Variants in BLTP1 observed in about 807,000 individuals in gnomAD.
The protein encoded by BLTP1 is bridge-like lipid transfer protein family member 1, also known as fragile site-associated protein.
At chr4:122,293,841 T>C in the BLTP1 span, among the ~76,000 whole-genome samples, 2 of 152,200 alleles carry the variant, frequency 1.3e-5, no homozygotes, top group African/African-American at 4.8e-5. Flanking sequence ...CTGGGAGAGC[T>C]GCCATCTCTG....
the BLTP1 span, among the ~76,000 whole-genome samples, chr4:122,279,534 A>T: frequency 3.9e-5 from 6 of 152,180 alleles, no homozygotes; most frequent in Non-Finnish European, 1.5e-5. Flanking sequence ...TCAAACTGAT[A>T]TCTTATCCTT....
the BLTP1 span, chr4:122,249,767 A>G: frequency 4.6e-6 from 7 of 1,537,062 alleles, no homozygotes; most frequent in Non-Finnish European, 6.2e-6. Flanking sequence ...CATGGCTTTC[A>G]GTAACCTGAA....
the BLTP1 span, chr4:122,221,145 G>A: frequency 4.5e-6 from 3 of 659,944 alleles, no homozygotes; most frequent in Non-Finnish European, 3.8e-6. Context: ...TTATAAATGG[G>A]AAGGTGAATC....
At chr4:122,200,461 T>A in the BLTP1 span, 1 of 600,016 alleles carries the variant, frequency 1.7e-6, no homozygotes, top group African/African-American at 2.0e-5. Context: ...ATGCCTGTAA[T>A]CCCAGCTACT....
At chr4:122,177,088 G>A in the BLTP1 span, among the ~76,000 whole-genome samples, 311 of 152,266 alleles carry the variant, frequency 2.0e-3, no homozygotes, top group Non-Finnish European at 3.5e-3. Context: ...CCTACTCAGC[G>A]TCTCCAATTT....
chr4:122,296,268 C>A, the BLTP1 span, among the ~76,000 whole-genome samples: 1 of 152,086 alleles, frequency 6.6e-6, no homozygotes, highest in Non-Finnish European at 1.5e-5. Flanking sequence ...TCCTATACAC[C>A]AATAACAGGC....
the BLTP1 span, chr4:122,207,119 A>G: frequency 6.3e-7 from 1 of 1,597,506 alleles, no homozygotes; most frequent in Non-Finnish European, 8.5e-7. Flanking sequence ...GATTTAATTC[A>G]AGACTGGTCT....
At chr4:122,183,292 C>T in the BLTP1 span, 3 of 682,994 alleles carry the variant, frequency 4.4e-6, no homozygotes, top group East Asian at 2.7e-4. Flanking sequence ...GCCATGGTTG[C>T]ACCACTGCAT....
At chr4:122,217,788 A>G in the BLTP1 span, among the ~76,000 whole-genome samples, 1 of 152,092 alleles carries the variant, frequency 6.6e-6, no homozygotes, top group African/African-American at 2.4e-5. Flanking sequence ...TAGGATTGGT[A>G]CCATTTCTTT....
the BLTP1 span, among the ~76,000 whole-genome samples, chr4:122,176,987 A>C: frequency 6.6e-6 from 1 of 152,206 alleles, no homozygotes; most frequent in African/African-American, 2.4e-5. Context: ...AGTTTTAAAC[A>C]CATTAAACTC....
At chr4:122,169,913 G>A in the BLTP1 span, 3 of 983,254 alleles carry the variant, frequency 3.1e-6, no homozygotes, top group Non-Finnish European at 3.6e-6. Context: ...GATTTATCTA[G>A]CTTAATATGA....
At chr4:122,188,167 C>CT in the BLTP1 span, 2 of 1,274,390 alleles carry the variant, frequency 1.6e-6, no homozygotes, top group Non-Finnish European at 2.0e-6. Context: ...CATCCTTTTA[C>CT]TTTTTTTGCT....
At chr4:122,350,500 C>G in the BLTP1 span, 1 of 542,434 alleles carries the variant, frequency 1.8e-6, no homozygotes, top group Non-Finnish European at 2.4e-6. Context: ...CACAGGAGAT[C>G]TAGTGGTGGA....
the BLTP1 span, among the ~76,000 whole-genome samples, chr4:122,191,797 C>T: frequency 6.6e-6 from 1 of 152,050 alleles, no homozygotes; most frequent in Non-Finnish European, 1.5e-5. Flanking sequence ...CCTTCAGTAA[C>T]AGATTGAATG....
the BLTP1 span, among the ~76,000 whole-genome samples, chr4:122,183,923 A>AT: frequency 5.1e-4 from 77 of 149,844 alleles, no homozygotes; most frequent in Middle Eastern, 0.014. Flanking sequence ...AAAGAGGTAC[A>AT]TTTTTTTTTT....
chr4:122,328,386 G>A, the BLTP1 span: 2 of 1,573,308 alleles, frequency 1.3e-6, no homozygotes, highest in African/African-American at 1.4e-5. Context: ...AGATCATAAT[G>A]TAGTATTTCA....
chr4:122,333,673 C>T, the BLTP1 span: 1 of 1,610,758 alleles, frequency 6.2e-7, no homozygotes, highest in African/African-American at 1.3e-5. Flanking sequence ...GATTCACCTT[C>T]AAAAAAGAAG....
At chr4:122,246,564 C>T in the BLTP1 span, 1 of 1,242,410 alleles carries the variant, frequency 8.0e-7, no homozygotes, top group Non-Finnish European at 1.1e-6. Context: ...TAAGCTTTGT[C>T]TTCACTGTCA....
At chr4:122,331,619 A>C in the BLTP1 span, 28 of 1,479,828 alleles carry the variant, frequency 1.9e-5, no homozygotes, top group East Asian at 2.5e-5. Flanking sequence ...AATTATAACA[A>C]ACTTCTCCAT....
Sources: allele counts gnomAD v4.1 joint callset (sites outside exome capture counted in the v4.1 genomes callset), GRCh38; gene constraint gnomAD v4.1.1; transcripts MANE v1.5; gene names NCBI Gene and HGNC (gene_info 2026-07-23, HGNC 2026-07-21).